CACNA1D: variants seen among roughly 807,000 people sequenced by gnomAD.
CACNA1D encodes the protein voltage-dependent L-type calcium channel subunit alpha-1D.
CACNA1D carries 55 observed loss-of-function variants against 257.1 expected under a neutral mutation model. The observed-to-expected ratio is 0.21, with a 90% CI of 0.17 to 0.27. The LOEUF (loss-of-function observed/expected upper bound fraction) is 0.27, where lower values mean the gene tolerates loss of function less well. Among genes scored for constraint, CACNA1D ranks in the 10% least tolerant of loss-of-function variants. The pLI is 1.00. For synonymous variants in CACNA1D, 980 were observed against 1,014.9 expected (o/e 0.97, Z 0.65); for missense variants, 1,876 against 2,784.0 (o/e 0.67, Z 7.34).
chr3:53,808,282 C>G (rs964340334), intron 45 of CACNA1D: 3 of 268,708 alleles, frequency 1.1e-5, no homozygotes, highest in Non-Finnish European at 2.2e-5. Context: ...GGCGTGGTGG[C>G]GGGCGCCTGT....
rs1434369109 is a variant in CACNA1D, at chr3:53,495,384, G to A, written c.67+151G>A. ...TCGTCTACACAGAGAGGGGACATGCGTGACAGCCACTCCGCGCTCCCCTCC... is the reference window on the plus strand; with the variant it reads ...TCGTCTACACAGAGAGGGGACATGCATGACAGCCACTCCGCGCTCCCCTCC... On this transcript the variant is annotated intron_variant, in intron 1 of 47. Transcript: ENST00000350061. This position sits in a 1 kb window ranked among gnomAD's most constrained non-coding sequence, Gnocchi z 5.1. 3 of 871,074 alleles carry A rather than the reference G, an allele frequency of 3.4e-6. No individual in the cohort carries two copies. Among genetic ancestry groups the A allele is most frequent in the African/African-American group, 3.3e-5 (2 of 60,692 alleles). 54.0% of individuals were successfully genotyped at this position (871,074 alleles called of 1,614,324 possible). A position where few individuals can be genotyped will look rare whatever the true frequency, so the allele number is the denominator to read the frequency against.
At chr3:53,772,418 G>A (rs74801752) in intron 32 of CACNA1D, among the ~76,000 whole-genome samples, 3,684 of 152,116 alleles carry the variant, frequency 0.024, 82 homozygotes, top group East Asian at 0.11. Flanking sequence ...CTACAATACC[G>A]CCCCCCAAAA....
chr3:53,766,841 T>G (rs770308551), intron 30 of CACNA1D, among the ~76,000 whole-genome samples: 2 of 152,200 alleles, frequency 1.3e-5, no homozygotes, highest in Admixed American at 1.3e-4. Context: ...ACACTGGAAT[T>G]CCGCTTATTG....
chr3:53,744,638 G>C, intron 22 of CACNA1D, 102 bp from the exon 23 acceptor site: 1 of 794,766 alleles, frequency 1.3e-6, no homozygotes, highest in South Asian at 1.3e-5. Context: ...CACGCTAACT[G>C]TGCAGGGATA....
chr3:53,750,957 A>G (rs2095220397), intron 27 of CACNA1D, among the ~76,000 whole-genome samples: 3 of 152,074 alleles, frequency 2.0e-5, no homozygotes. Flanking sequence ...CTGGGTCCCA[A>G]CCTGTGTTCA....
intron 9 of CACNA1D, among the ~76,000 whole-genome samples, chr3:53,703,330 G>A (rs573643548): frequency 5.3e-5 from 8 of 152,332 alleles, no homozygotes; most frequent in African/African-American, 1.7e-4. Context: ...TTCTAGGCAG[G>A]TGTTAAGGGG....
At chr3:53,691,731 TATATATATTACATATATA>T (rs1473963508) in intron 8 of CACNA1D, among the ~76,000 whole-genome samples, 1,392 of 42,216 alleles carry the variant, frequency 0.033, 37 homozygotes, top group African/African-American at 0.12. Flanking sequence ...ACATATATAA[TATATATATTACATATATA>T]ATATATATTA....
chr3:53,557,785 G>T lies in CACNA1D; in HGVS notation c.483+56065G>T, dbSNP rs553986714. On this transcript the variant is annotated intron_variant, in intron 3 of 47. Coordinates refer to ENST00000350061, the MANE Select transcript of CACNA1D (RefSeq NM_001128840.3). ...ACAGATTTATTGTAAGTCATAAAGC[G>T]GGGTGACTTGAATTCTCCAGTTTCT... is the stretch of plus-strand genomic sequence containing the variant. Among the ~76,000 whole-genome samples the T allele has an allele frequency of 3.3e-5, 5 of 152,234 alleles. No individual in the cohort carries two copies. The East Asian group carries it at 9.6e-4, about 29-fold the overall frequency.
At chr3:53,595,995 A>C (rs2093365228) in intron 3 of CACNA1D, among the ~76,000 whole-genome samples, 1 of 152,172 alleles carries the variant, frequency 6.6e-6, no homozygotes, top group South Asian at 2.1e-4. Context: ...GTTTCTTTTC[A>C]GTTACAGAAT....
At chr3:53,760,637 C>A (rs1344936734) in intron 29 of CACNA1D, among the ~76,000 whole-genome samples, 1 of 152,180 alleles carries the variant, frequency 6.6e-6, no homozygotes, top group Non-Finnish European at 1.5e-5. Context: ...GTCGAGAGAC[C>A]ACAGGCACTC....
chr3:53,631,978 G>C (rs2093826538), intron 3 of CACNA1D, among the ~76,000 whole-genome samples: 1 of 152,178 alleles, frequency 6.6e-6, no homozygotes, highest in Admixed American at 6.5e-5. Flanking sequence ...TCATTCTTAA[G>C]GGCCCTGGGA....
At chr3:53,605,312 T>C (rs1222662252) in intron 3 of CACNA1D, among the ~76,000 whole-genome samples, 1 of 152,230 alleles carries the variant, frequency 6.6e-6, no homozygotes, top group Non-Finnish European at 1.5e-5. Context: ...TATCATTTTC[T>C]GGCCCCTCAA....
At chr3:53,802,209 G>A (rs2095539785) in intron 43 of CACNA1D, 36 bp downstream of exon 43, 20 of 1,516,292 alleles carry the variant, frequency 1.3e-5, no homozygotes, top group Non-Finnish European at 1.8e-5. Context: ...GTTAAATACT[G>A]TGATGGTATG....
In CACNA1D at chr3:53,803,508, G is replaced by T. The variant is rs201141889; in HGVS notation, c.5521G>T (p.Gly1841Trp). Residue 1841 changes from glycine (G) to tryptophan (W), a missense_variant, in exon 44 of 48, where the codon GGG (glycine) becomes TGG (tryptophan). Gly to Trp is a radical substitution (Grantham distance 184). Coordinates refer to ENST00000350061, the MANE Select transcript of CACNA1D (RefSeq NM_001128840.3). ...CTATTTCAGGGACCCCCACTGCTTG[G>T]GGGAGCAGGAGTATTTCAGTAGTGA... ...HGYFRDPHCL[G>W]EQEYFSSEEC... The T allele has an allele frequency of 2.5e-6, 4 of 1,614,170 alleles. No homozygotes were observed. The Admixed American group carries it at 5.0e-5, about 20-fold the overall frequency.
At chr3:53,716,850 C>T (rs1374528388) in intron 9 of CACNA1D, among the ~76,000 whole-genome samples, 1 of 152,186 alleles carries the variant, frequency 6.6e-6, no homozygotes, top group East Asian at 1.9e-4. Context: ...TTGGTATCCT[C>T]AAGAAACTTC....
chr3:53,775,226 C>A (rs889085425), intron 34 of CACNA1D, among the ~76,000 whole-genome samples: 2 of 152,206 alleles, frequency 1.3e-5, no homozygotes, highest in Admixed American at 1.3e-4. Context: ...TGGTTTCCAG[C>A]TCTGCCTTCA....
At chr3:53,666,199 G>A (rs1450389650) in intron 6 of CACNA1D, 140 bp from the exon 7 acceptor site, 7 of 819,036 alleles carry the variant, frequency 8.5e-6, no homozygotes, top group Non-Finnish European at 1.5e-5. Context: ...AGGGAACCTT[G>A]AAGGACAAGC....
chr3:53,730,339 T>C, intron 15 of CACNA1D, 103 bp from the exon 16 acceptor site: 1 of 783,524 alleles, frequency 1.3e-6, no homozygotes, highest in Non-Finnish European at 2.3e-6. Flanking sequence ...GGACGGTCAC[T>C]TACTACCAGC....
At chr3:53,809,710 A>C (rs575339844) in intron 46 of CACNA1D, 14 of 524,016 alleles carry the variant, frequency 2.7e-5, no homozygotes, top group South Asian at 2.1e-4. Flanking sequence ...ATTCTGAAGC[A>C]ATTTCATGAA....
Sources: gnomAD v4.1 joint callset for allele counts (sites outside exome capture counted in the v4.1 genomes callset) on GRCh38, gnomAD v4.1.1 for gene constraint, Gnocchi (gnomAD v3.1) non-coding constraint, MANE v1.5 for transcripts, NCBI Gene and HGNC (gene_info 2026-07-23, HGNC 2026-07-21) for gene names.